MPPED2: variants seen among roughly 807,000 people sequenced by gnomAD.
The protein encoded by MPPED2 is metallophosphoesterase MPPED2.
Under a neutral mutation model 33.0 loss-of-function variants are expected in MPPED2, and 5 were observed. The ratio of observed to expected loss-of-function variants is 0.15; its 90% CI spans 0.08 to 0.32. MPPED2 has a LOEUF of 0.32. Ranked by LOEUF, MPPED2 falls within the 10% of genes least tolerant of loss-of-function variation. MPPED2 has a pLI of 1.00. For missense variants in MPPED2, 275 were observed against 372.1 expected (o/e 0.74, Z 2.15); for synonymous variants, 136 against 141.9 (o/e 0.96, Z 0.29).
At position 30,415,417 on chromosome 11, in the gene MPPED2, T is replaced by C. The variant is rs139341663; in HGVS notation, c.653-1076A>G. On this transcript the variant is annotated intron_variant, in intron 5 of 6. Coordinates refer to ENST00000358117, the MANE Select transcript of MPPED2 (RefSeq NM_001584.3). ...ATGTGTTTTTCCTGAAGGGGGAAAA[T>C]ATTCCATTTCATATGCAAACATCTG... Among the ~76,000 whole-genome samples the C allele has an allele frequency of 2.6e-5, 4 of 152,280 alleles. No individual in the cohort carries two copies. In the East Asian group the frequency reaches 7.7e-4, roughly 29 times the overall value.
At chr11:30,535,598 G>A (rs570808653) in intron 3 of MPPED2, among the ~76,000 whole-genome samples, 1 of 152,238 alleles carries the variant, frequency 6.6e-6, no homozygotes, top group African/African-American at 2.4e-5. Flanking sequence ...TCTTAGAAAT[G>A]TTCTCTTACT....
chr11:30,433,046 C>T (rs1056213992), intron 4 of MPPED2, among the ~76,000 whole-genome samples: 4 of 152,200 alleles, frequency 2.6e-5, no homozygotes, highest in African/African-American at 9.7e-5. Context: ...TCGGTGATGG[C>T]TCTAGAAGCT....
chr11:30,405,034 T>C (rs908226298), intron 6 of MPPED2, among the ~76,000 whole-genome samples: 1 of 152,130 alleles, frequency 6.6e-6, no homozygotes, highest in African/African-American at 2.4e-5. Context: ...TGGGAGGCTA[T>C]GGCAGCACCA....
chr11:30,512,436 T>G (rs1953267619), intron 3 of MPPED2, among the ~76,000 whole-genome samples: 1 of 152,138 alleles, frequency 6.6e-6, no homozygotes, highest in Non-Finnish European at 1.5e-5. Context: ...GGGAAAACTT[T>G]GTTCAAAGAA....
At chr11:30,409,564 G>T (rs1948040381), downstream of MPPED2, among the ~76,000 whole-genome samples, 1 of 152,168 alleles carries the variant, frequency 6.6e-6, no homozygotes. Flanking sequence ...AATTCTGCTG[G>T]TACTGAAATC....
exon 7 of MPPED2, chr11:30,386,016 AC>A (rs1947699005): frequency 6.6e-6 from 1 of 152,000 alleles, no homozygotes; most frequent in African/African-American, 2.4e-5. Context: ...AGGGGCCAGG[AC>A]CCCTTCTTAT....
chr11:30,439,743 A>G (rs916393777), intron 4 of MPPED2, among the ~76,000 whole-genome samples: 5 of 152,234 alleles, frequency 3.3e-5, no homozygotes, highest in African/African-American at 9.6e-5. Context: ...ACTACATCCT[A>G]TCTACATTTA....
intron 2 of MPPED2, among the ~76,000 whole-genome samples, chr11:30,542,829 A>C (rs1955200913): frequency 6.6e-6 from 1 of 152,144 alleles, no homozygotes; most frequent in Non-Finnish European, 1.5e-5. Flanking sequence ...TCTAACTTTC[A>C]ATTCACTTAT....
At chr11:30,491,549 C>A (rs1434621900) in intron 4 of MPPED2, among the ~76,000 whole-genome samples, 1 of 152,196 alleles carries the variant, frequency 6.6e-6, no homozygotes, top group Non-Finnish European at 1.5e-5. Context: ...TTACTCCATG[C>A]TAAAAAGTCT....
At chr11:30,440,450 G>A (rs923251445) in intron 4 of MPPED2, among the ~76,000 whole-genome samples, 9 of 152,112 alleles carry the variant, frequency 5.9e-5, no homozygotes, top group East Asian at 1.9e-4. Context: ...CATATGGGCC[G>A]TAAAGTCTAA....
intron 3 of MPPED2, among the ~76,000 whole-genome samples, chr11:30,519,262 C>T (rs1020048016): frequency 8.6e-5 from 13 of 151,976 alleles, no homozygotes; most frequent in African/African-American, 3.1e-4. Context: ...GAGCAAGATC[C>T]TGTCTCAAAA....
At chr11:30,558,607 A>C (rs1956096736) in intron 2 of MPPED2, among the ~76,000 whole-genome samples, 1 of 150,748 alleles carries the variant, frequency 6.6e-6, no homozygotes, top group Non-Finnish European at 1.5e-5. Flanking sequence ...TTTTTGATAG[A>C]GACAGGGTCT....
chr11:30,501,523 C>A (rs1160426431), intron 3 of MPPED2: 6 of 584,954 alleles, frequency 1.0e-5, no homozygotes, highest in Non-Finnish European at 1.3e-5. Flanking sequence ...GCCTCCTTCT[C>A]TCATCCAGAT....
At chr11:30,518,127 A>T (rs1009751797) in intron 3 of MPPED2, among the ~76,000 whole-genome samples, 1 of 152,230 alleles carries the variant, frequency 6.6e-6, no homozygotes, top group Non-Finnish European at 1.5e-5. Flanking sequence ...ACAGCTACCA[A>T]GAACCACACA....
At chr11:30,548,076 T>G (rs1461114593) in intron 2 of MPPED2, among the ~76,000 whole-genome samples, 1 of 152,188 alleles carries the variant, frequency 6.6e-6, no homozygotes, top group Non-Finnish European at 1.5e-5. Flanking sequence ...CTTTGGACCA[T>G]GGCTTTCCCA....
chr11:30,430,072 A>G (rs1042220702), intron 4 of MPPED2, among the ~76,000 whole-genome samples: 1 of 152,234 alleles, frequency 6.6e-6, no homozygotes, highest in Non-Finnish European at 1.5e-5. Flanking sequence ...AATATTCATA[A>G]CAATGAAAAA....
At chr11:30,418,795 C>T (rs1404674611) in intron 4 of MPPED2, among the ~76,000 whole-genome samples, 1 of 152,178 alleles carries the variant, frequency 6.6e-6, no homozygotes, top group Non-Finnish European at 1.5e-5. Context: ...CAGTCACTGG[C>T]CAGACTAATC....
chr11:30,477,395 C>T (rs893066838), intron 4 of MPPED2, among the ~76,000 whole-genome samples: 1 of 152,072 alleles, frequency 6.6e-6, no homozygotes, highest in African/African-American at 2.4e-5. Flanking sequence ...AAGCTTTCTA[C>T]TCCTGGTTGC....
intron 4 of MPPED2, among the ~76,000 whole-genome samples, chr11:30,427,740 C>T (rs559845339): frequency 3.3e-5 from 5 of 152,216 alleles, no homozygotes; most frequent in South Asian, 2.1e-4. Context: ...AAGAAACAGA[C>T]GGACATGCCT....
Sources: gnomAD v4.1 joint callset for allele counts (sites outside exome capture counted in the v4.1 genomes callset) on GRCh38, gnomAD v4.1.1 for gene constraint, MANE v1.5 for transcripts, NCBI Gene and HGNC (gene_info 2026-07-23, HGNC 2026-07-21) for gene names.